Variants in ERICH4 observed in about 807,000 individuals in gnomAD.
ERICH4 encodes glutamate rich 4, also known as glutamate-rich protein 4.
Under a neutral mutation model 5.2 loss-of-function variants are expected in ERICH4, and 4 were observed. The ratio of observed to expected loss-of-function variants is 0.77; its 90% CI spans 0.38 to 1.76. ERICH4 has a LOEUF of 1.76. ERICH4 is among the 40% of genes most tolerant of loss of function. The probability of loss-of-function intolerance (pLI) is 0.04; values close to 1 mark genes in which losing one functional copy is unlikely to be tolerated. For synonymous variants in ERICH4, 75 were observed against 68.7 expected (o/e 1.09, Z -0.45); for missense variants, 164 against 159.8 (o/e 1.03, Z -0.14).
Position 41,444,004 on chromosome 19 carries a change from AG to A in ERICH4, c.177del. 1 of 1,548,298 alleles carries A rather than the reference AG, an allele frequency of 6.5e-7. No individual in the cohort carries two copies. The highest frequency in any genetic ancestry group is 8.7e-7 in the Non-Finnish European group (1 of 1,145,772). On this transcript the variant is annotated splice_acceptor_variant, in intron 1 of 1. Transcript: ENST00000378187. LOFTEE classifies it high-confidence loss of function. ...CCTGTGACGTCCCCTTCCTACTGGC[AG>A]GGGAACCTGCGCCGAGTGGATGTCC... is the stretch of plus-strand genomic sequence containing the variant.
In ERICH4 at chr19:41,444,524, C is replaced by G; in HGVS notation, c.*300C>G. The G allele has an allele frequency of 2.2e-6, 1 of 455,520 alleles. No individual in the cohort carries two copies. Among genetic ancestry groups the G allele is most frequent in the East Asian group, 4.3e-5 (1 of 23,212 alleles). The allele number at this position is 455,520 out of a possible 1,614,324, so 28.2% of individuals were successfully genotyped here. ...GATCTCTGCAAATATGCTGGTGATG[C>G]ATACAGATGCGATTTCAGATCAACG... On this transcript the variant is annotated 3_prime_UTR_variant, in exon 2 of 2. Transcript: ENST00000378187.
In ERICH4 at chr19:41,444,293, T is replaced by A. The variant is rs2040148166; in HGVS notation, c.*69T>A. ...ATGTATGTAAAGGAGAAGGGAGATT[T>A]GCAGGTCAAAGCAGATGTGGAATCA... On this transcript the variant is annotated 3_prime_UTR_variant, in exon 2 of 2. Coordinates refer to ENST00000378187, the MANE Select transcript of ERICH4 (RefSeq NM_001130514.3). The A allele has an allele frequency of 4.6e-6, 7 of 1,518,032 alleles. No individual in the cohort carries two copies. Among genetic ancestry groups the A allele is most frequent in the Non-Finnish European group, 6.3e-6 (7 of 1,116,968 alleles). The allele number at this position is 1,518,032 out of a possible 1,614,324, so 94.0% of individuals were successfully genotyped here.
chr19:41,443,950 A>C, intron 1 of ERICH4, 56 bp from the exon 2 acceptor site: 1 of 1,412,252 alleles, frequency 7.1e-7, no homozygotes, highest in Non-Finnish European at 9.7e-7. Context: ...CAGGTCCTGG[A>C]GAGACCCCTT....
In ERICH4 at chr19:41,444,501, T is replaced by C. The variant is rs2040150641; in HGVS notation, c.*277T>C. The C allele has an allele frequency of 2.0e-6, 1 of 506,008 alleles. No homozygotes were observed. 31.3% of individuals were successfully genotyped at this position (506,008 alleles called of 1,614,324 possible). The stretch of plus-strand genomic sequence containing the variant: ...CTCAGGTGTGCTGCTGAGATGGGGA[T>C]CTCTGCAAATATGCTGGTGATGCAT... On this transcript the variant is annotated 3_prime_UTR_variant, in exon 2 of 2. Coordinates refer to ENST00000378187, the MANE Select transcript of ERICH4 (RefSeq NM_001130514.3).
At position 41,444,227 on chromosome 19, in the gene ERICH4, C is replaced by T. The variant is rs369926537; in HGVS notation, c.*3C>T. ...CTGACTTTGAGATGATGATCTGAGG[C>T]TCTGCCAGTGGATTTAGATTGACAT... On this transcript the variant is annotated 3_prime_UTR_variant, in exon 2 of 2. Transcript: ENST00000378187. The T allele has an allele frequency of 1.9e-6, 3 of 1,552,078 alleles. No homozygotes were observed. Among genetic ancestry groups the T allele is most frequent in the African/African-American group, 2.7e-5 (2 of 73,062 alleles).
Position 41,444,067 on chromosome 19 carries a change from TG to T in ERICH4, c.241del (p.Ala81ArgfsTer48), listed in dbSNP as rs1431078638. On this transcript the variant is annotated frameshift_variant, in exon 2 of 2. Transcript: ENST00000378187. LOFTEE classifies it low-confidence loss of function (END_TRUNC). ...LGQLCSLGLE[M>X]GALREELVTI... ...CAGCTGTGCAGCCTGGGGCTGGAGA[TG>T]GGGGCGCTGCGGGAGGAACTGGTCA... 4.5e-6 allele frequency: 7 copies of T among 1,550,866 alleles called. No individual in the cohort carries two copies. The East Asian group carries it at 1.2e-4, about 27-fold the overall frequency.
In ERICH4 at chr19:41,444,746, T is replaced by TA. The variant is rs2040153827; in HGVS notation, c.*527dup. ...AATATTTTGAGCATATCAGTATTAGTAAAAATATTACTAAAATTATTTTCA... is the reference window on the plus strand; with the variant it reads ...AATATTTTGAGCATATCAGTATTAGTAAAAAATATTACTAAAATTATTTTCA... On this transcript the variant is annotated 3_prime_UTR_variant, in exon 2 of 2. Transcript: ENST00000378187. The TA allele has an allele frequency of 6.4e-6, 1 of 156,514 alleles. No individual in the cohort carries two copies. Among genetic ancestry groups the TA allele is most frequent in the Non-Finnish European group, 1.4e-5 (1 of 70,378 alleles). 9.7% of individuals were successfully genotyped at this position (156,514 alleles called of 1,614,324 possible).
chr19:41,443,976 A>C, intron 1 of ERICH4, 30 bp from the exon 2 acceptor site: 2 of 1,530,012 alleles, frequency 1.3e-6, no homozygotes, highest in Non-Finnish European at 1.8e-6. Flanking sequence ...CTGGGGTGGC[A>C]TCCCTGTGAC....
At chr19:41,443,377 G>C in intron 1 of ERICH4, 34 bp downstream of exon 1, 3 of 1,291,870 alleles carry the variant, frequency 2.3e-6, no homozygotes, top group Non-Finnish European at 3.0e-6. Flanking sequence ...AAGAGAAAGA[G>C]AGGAAATGAG....
At chr19:41,443,791 A>T in intron 1 of ERICH4, 1 of 573,652 alleles carries the variant, frequency 1.7e-6, no homozygotes, top group East Asian at 2.9e-5. Context: ...GAGAGAGAGA[A>T]GTCAGGGACA....
Position 41,443,257 on chromosome 19 carries a change from G to T in ERICH4, c.88G>T (p.Val30Leu). The change falls in exon 1 of 2, where the codon GTG becomes TTG. Residue 30 changes from valine to leucine, a missense_variant. Coordinates refer to ENST00000378187, the MANE Select transcript of ERICH4 (RefSeq NM_001130514.3). Reference sequence around the variant, plus strand: ...CCAGGCCCTGAGGGAGGTCTCCCCAGTGGAAATCCCTGGTCAGACCCTCAG... The same window carrying T: ...CCAGGCCCTGAGGGAGGTCTCCCCATTGGAAATCCCTGGTCAGACCCTCAG... ...PPQALREVSPVEIPGQTLRTA... is the reference protein window; with the variant it reads ...PPQALREVSPLEIPGQTLRTA... 1 of 1,434,454 alleles carries T rather than the reference G, an allele frequency of 7.0e-7. No individual in the cohort carries two copies. Among genetic ancestry groups the T allele is most frequent in the Non-Finnish European group, 9.2e-7 (1 of 1,087,736 alleles). The allele number at this position is 1,434,454 out of a possible 1,614,324, so 88.9% of individuals were successfully genotyped here.
chr19:41,444,676 A>G lies in ERICH4; in HGVS notation c.*452A>G, dbSNP rs2040152895. 1 of 165,980 alleles carries G rather than the reference A, an allele frequency of 6.0e-6. No homozygotes were observed. The highest frequency in any genetic ancestry group is 2.4e-5 in the African/African-American group (1 of 41,604). 10.3% of individuals were successfully genotyped at this position (165,980 alleles called of 1,614,324 possible). ...ATTAAAGGCTTAGTATGATGAAAAG[A>G]ACATAAGACATCTCAATAATTTTTA... On this transcript the variant is annotated 3_prime_UTR_variant, in exon 2 of 2. Transcript: ENST00000378187.
Position 41,443,347 on chromosome 19 carries a change from A to G in ERICH4, c.174+4A>G, listed in dbSNP as rs2040133623. On this transcript the variant is annotated splice_donor_region_variant and intron_variant, in intron 1 of 1. Transcript: ENST00000378187. Reference sequence around the variant, plus strand: ...GCTGTGGATCAGGGAGGAGCTGGTGAGTGAGGGGTTTGGAAGGGAAAGAGA... The same window carrying G: ...GCTGTGGATCAGGGAGGAGCTGGTGGGTGAGGGGTTTGGAAGGGAAAGAGA... 4 of 1,288,770 alleles carry G rather than the reference A, an allele frequency of 3.1e-6. No individual in the cohort carries two copies. Among genetic ancestry groups the G allele is most frequent in the Non-Finnish European group, 4.0e-6 (4 of 1,008,032 alleles). The allele number at this position is 1,288,770 out of a possible 1,614,324, so 79.8% of individuals were successfully genotyped here.
At position 41,443,281 on chromosome 19, in the gene ERICH4, A is replaced by G; in HGVS notation, c.112A>G (p.Arg38Gly). 2.2e-6 allele frequency: 3 copies of G among 1,380,890 alleles called. No homozygotes were observed. The highest frequency in any genetic ancestry group is 1.7e-5 in the South Asian group (1 of 59,994). The allele number at this position is 1,380,890 out of a possible 1,614,324, so 85.5% of individuals were successfully genotyped here. A position where few individuals can be genotyped will look rare whatever the true frequency, so the allele number is the denominator to read the frequency against. The change falls in exon 1 of 2, where the codon AGG becomes GGG. Residue 38 changes from arginine to glycine, a missense_variant. Coordinates refer to ENST00000378187, the MANE Select transcript of ERICH4 (RefSeq NM_001130514.3). ...AGTGGAAATCCCTGGTCAGACCCTC[A>G]GGACTGCAGGGGCAGACACTGGAGG... ...SPVEIPGQTL[R>G]TAGADTGGAC...
In ERICH4 at chr19:41,443,350, G is replaced by T; in HGVS notation, c.174+7G>T. ...GTGGATCAGGGAGGAGCTGGTGAGT[G>T]AGGGGTTTGGAAGGGAAAGAGAAAG... On this transcript the variant is annotated splice_region_variant and intron_variant, in intron 1 of 1. Coordinates refer to ENST00000378187, the MANE Select transcript of ERICH4 (RefSeq NM_001130514.3). The T allele has an allele frequency of 7.8e-7, 1 of 1,290,122 alleles. No homozygotes were observed. 79.9% of individuals were successfully genotyped at this position (1,290,122 alleles called of 1,614,324 possible).
Position 41,443,255 on chromosome 19 carries a change from C to T in ERICH4, c.86C>T (p.Pro29Leu). The T allele has an allele frequency of 7.0e-7, 1 of 1,434,218 alleles. No homozygotes were observed. The highest frequency in any genetic ancestry group is 2.8e-5 in the Admixed American group (1 of 36,256). The allele number at this position is 1,434,218 out of a possible 1,614,324, so 88.8% of individuals were successfully genotyped here. ...CCCCAGGCCCTGAGGGAGGTCTCCC[C>T]AGTGGAAATCCCTGGTCAGACCCTC... The part of the protein sequence containing the change: ...PPPQALREVS[P>L]VEIPGQTLRT... The change falls in exon 1 of 2, where the codon CCA becomes CTA. Residue 29 changes from proline to leucine, a missense_variant. Pro to Leu is a moderately conservative substitution (Grantham distance 98). Coordinates refer to ENST00000378187, the MANE Select transcript of ERICH4 (RefSeq NM_001130514.3).
chr19:41,444,071 G>A lies in ERICH4; in HGVS notation c.240G>A (p.Gly80=). Residue 80 remains glycine, a synonymous_variant, in exon 2 of 2, where the codon GGG becomes GGA. Coordinates refer to ENST00000378187, the MANE Select transcript of ERICH4 (RefSeq NM_001130514.3). ...GQLCSLGLEM[G]ALREELVTIL... ...TGTGCAGCCTGGGGCTGGAGATGGG[G>A]GCGCTGCGGGAGGAACTGGTCACCA... is the stretch of plus-strand genomic sequence containing the variant. The A allele has an allele frequency of 3.2e-6, 5 of 1,551,424 alleles. No individual in the cohort carries two copies. The highest frequency in any genetic ancestry group is 3.5e-6 in the Non-Finnish European group (4 of 1,146,902).
rs1028171138 is a variant in ERICH4 at position 41,443,183 on chromosome 19, G to A, written c.14G>A (p.Arg5Lys). MELWRQLNQAGLVPP... is the reference protein window; with the variant it reads MELWKQLNQAGLVPP... ...AGCTCAGAGACGATGGAACTGTGGA[G>A]GCAGCTGAATCAGGCTGGACTGGTG... Residue 5 changes from arginine to lysine, a missense_variant, in exon 1 of 2, where the codon AGG becomes AAG. By Grantham distance (26) the Arg-to-Lys change is conservative. Transcript: ENST00000378187. The A allele has an allele frequency of 2.0e-6, 3 of 1,478,978 alleles. No homozygotes were observed. Among genetic ancestry groups the A allele is most frequent in the Non-Finnish European group, 2.7e-6 (3 of 1,113,250 alleles). The allele number at this position is 1,478,978 out of a possible 1,614,324, so 91.6% of individuals were successfully genotyped here.
intron 1 of ERICH4, among the ~76,000 whole-genome samples, chr19:41,443,684 TAAAGAC>T (rs1280335503): frequency 6.6e-6 from 1 of 150,492 alleles, no homozygotes; most frequent in Non-Finnish European, 1.5e-5. Flanking sequence ...TGGCAACACA[TAAAGAC>T]AGAGAGACAG....
Sources: allele counts gnomAD v4.1 joint callset (sites outside exome capture counted in the v4.1 genomes callset), GRCh38; gene constraint gnomAD v4.1.1; transcripts MANE v1.5; gene names NCBI Gene and HGNC (gene_info 2026-07-23, HGNC 2026-07-21).